The following KANSL1 variants were observed in gnomAD, a reference collection of about 807,000 sequenced individuals.
KANSL1 encodes the protein KAT8 regulatory NSL complex subunit 1.
In KANSL1, 22 loss-of-function variants were observed where a neutral mutation model predicts 103.6. The observed-to-expected ratio is 0.21, with a 90% CI of 0.15 to 0.30. KANSL1 has a LOEUF of 0.30. KANSL1 is among the 10% of genes least tolerant of loss of function. The probability of loss-of-function intolerance (pLI) is 1.00; values close to 1 mark genes in which losing one functional copy is unlikely to be tolerated. For missense variants in KANSL1, 1,337 were observed against 1,399.8 expected (o/e 0.96, Z 0.72); for synonymous variants, 600 against 527.6 (o/e 1.14, Z -1.88).
At chr17:46,123,143 G>A (rs2043359684) in intron 2 of KANSL1, among the ~76,000 whole-genome samples, 2 of 152,220 alleles carry the variant, frequency 1.3e-5, no homozygotes, top group Non-Finnish European at 1.5e-5. Flanking sequence ...TTGGGAGGCG[G>A]CGGCAGGCGG....
intron 14 of KANSL1, 150 bp downstream of exon 14, chr17:46,031,897 C>G: frequency 8.5e-7 from 1 of 1,171,452 alleles, no homozygotes; most frequent in Admixed American, 2.1e-5. Context: ...CAATACAGTT[C>G]CACTGAACGT....
At chr17:46,135,905 C>T (rs964918716) in intron 2 of KANSL1, among the ~76,000 whole-genome samples, 3 of 152,064 alleles carry the variant, frequency 2.0e-5, no homozygotes, top group African/African-American at 4.8e-5. Context: ...AGGCTCTATT[C>T]AGCATTTCCA....
intron 2 of KANSL1, among the ~76,000 whole-genome samples, chr17:46,117,515 G>A (rs2043096279): frequency 6.6e-6 from 1 of 152,198 alleles, no homozygotes; most frequent in Non-Finnish European, 1.5e-5. Context: ...ATTAGTGATG[G>A]TGGCAGTGGC....
At chr17:46,046,808 G>T (rs893359912) in intron 7 of KANSL1, among the ~76,000 whole-genome samples, 2 of 141,050 alleles carry the variant, frequency 1.4e-5, no homozygotes, top group Non-Finnish European at 3.0e-5. Flanking sequence ...CTGCACTCCA[G>T]CCTGGGTGAC....
chr17:46,157,807 T>C (rs546783637), intron 2 of KANSL1, among the ~76,000 whole-genome samples: 82 of 152,390 alleles, frequency 5.4e-4, no homozygotes, highest in Non-Finnish European at 1.0e-3. Context: ...GTTTTCATCT[T>C]ACAAAGAAAA....
chr17:46,153,808 G>A (rs935308032), intron 2 of KANSL1, among the ~76,000 whole-genome samples: 2 of 152,202 alleles, frequency 1.3e-5, no homozygotes, highest in Non-Finnish European at 2.9e-5. Flanking sequence ...TGAAGGAATC[G>A]CAATGTGGAG....
At chr17:46,117,575 T>C (rs550643582) in intron 2 of KANSL1, among the ~76,000 whole-genome samples, 5 of 152,226 alleles carry the variant, frequency 3.3e-5, no homozygotes, top group Admixed American at 3.3e-4. Context: ...GCAGTAACCA[T>C]GTGCATGCCT....
At chr17:46,090,567 C>T (rs2079343690) in intron 3 of KANSL1, among the ~76,000 whole-genome samples, 1 of 152,184 alleles carries the variant, frequency 6.6e-6, no homozygotes. Context: ...AGTGACTTTT[C>T]TTCTCAAGGT....
At chr17:46,105,994 A>AGG (rs1027384222) in intron 2 of KANSL1, among the ~76,000 whole-genome samples, 9 of 152,102 alleles carry the variant, frequency 5.9e-5, no homozygotes, top group Middle Eastern at 6.8e-3. Context: ...GTATTGAGGC[A>AGG]GGGTCCCCCT....
chr17:46,082,382 G>T, intron 4 of KANSL1, 59 bp downstream of exon 4: 1 of 1,069,028 alleles, frequency 9.4e-7, no homozygotes, highest in Non-Finnish European at 1.4e-6. Flanking sequence ...AAAAAACGGT[G>T]TGCCAAGACA....
chr17:46,147,270 A>G (rs187816625), intron 2 of KANSL1, among the ~76,000 whole-genome samples: 234 of 152,280 alleles, frequency 1.5e-3, no homozygotes, highest in African/African-American at 5.5e-3. Flanking sequence ...CTGTAAAGAG[A>G]AGGAGGTGAA....
At chr17:46,136,415 T>C (rs1004946284) in intron 2 of KANSL1, among the ~76,000 whole-genome samples, 3 of 152,238 alleles carry the variant, frequency 2.0e-5, no homozygotes, top group Admixed American at 6.5e-5. Context: ...TAGTAGTATA[T>C]AGAGACGGAC....
intron 6 of KANSL1, among the ~76,000 whole-genome samples, chr17:46,065,469 G>C (rs1348602769): frequency 1.3e-5 from 2 of 152,140 alleles, no homozygotes; most frequent in African/African-American, 2.4e-5. Flanking sequence ...CAACAAAAGT[G>C]GTAACAATAA....
chr17:46,050,551 C>T lies in KANSL1; in HGVS notation c.2002G>A (p.Val668Ile), dbSNP rs1055952978. The T allele has an allele frequency of 6.2e-7, 1 of 1,613,994 alleles. No individual in the cohort carries two copies. The highest frequency in any genetic ancestry group is 8.5e-7 in the Non-Finnish European group (1 of 1,180,022). The change falls in exon 7 of 15, where the codon GTT becomes ATT. Residue 668 changes from valine (V) to isoleucine (I), a missense_variant. Val to Ile is a conservative substitution (Grantham distance 29, BLOSUM62 3). Around this residue, in one of 2 missense-constraint regions of KANSL1, gnomAD observed 780 missense variants for 923.4 expected, o/e 0.84. Coordinates refer to ENST00000432791, the MANE Select transcript of KANSL1 (RefSeq NM_015443.4). ...TTCTTACCATCTGGAAATGCTAGAA[C>T]AGGATGAACACAAGAGTCCAACTGG... ...LSQLDSCVHP[V>I]LAFPDDVPTS...
chr17:46,225,298 G>A (rs1040569129), upstream of KANSL1: 7 of 152,474 alleles, frequency 4.6e-5, no homozygotes, highest in African/African-American at 1.7e-4. Context: ...CCCACCCCCA[G>A]GGGCACCAGT....
At chr17:46,140,445 C>T (rs976563600) in intron 2 of KANSL1, among the ~76,000 whole-genome samples, 1 of 151,890 alleles carries the variant, frequency 6.6e-6, no homozygotes, top group Non-Finnish European at 1.5e-5. Flanking sequence ...ATTGAAACTC[C>T]TGGAAAAAAG....
intron 2 of KANSL1, among the ~76,000 whole-genome samples, chr17:46,120,874 G>A (rs2043249560): frequency 2.0e-5 from 3 of 152,160 alleles, no homozygotes; most frequent in African/African-American, 7.2e-5. Context: ...GATTCAAAGA[G>A]AGAATGTTTC....
At chr17:46,166,029 T>C (rs1383146191) in intron 2 of KANSL1, among the ~76,000 whole-genome samples, 1 of 148,448 alleles carries the variant, frequency 6.7e-6, no homozygotes, top group Non-Finnish European at 1.5e-5. Flanking sequence ...CTGGGCCACA[T>C]GGTGAAACCC....
chr17:46,031,394 T>C lies in KANSL1; in HGVS notation c.*82A>G. 1 of 1,282,854 alleles carries C rather than the reference T, an allele frequency of 7.8e-7. No homozygotes were observed. The allele number at this position is 1,282,854 out of a possible 1,614,324, so 79.5% of individuals were successfully genotyped here. A position where few individuals can be genotyped will look rare whatever the true frequency, so the allele number is the denominator to read the frequency against. Reference sequence around the variant, plus strand: ...AAAAACTGTGAAAATTTCCGGCATATGATGTTTGAATATCAAACGCAGAGA... The same window carrying C: ...AAAAACTGTGAAAATTTCCGGCATACGATGTTTGAATATCAAACGCAGAGA... On this transcript the variant is annotated 3_prime_UTR_variant, in exon 15 of 15. Transcript: ENST00000432791.
Sources: gnomAD v4.1 joint callset for allele counts (sites outside exome capture counted in the v4.1 genomes callset) on GRCh38, gnomAD v4.1.1 for gene constraint, gnomAD v4.1.1 regional missense constraint, MANE v1.5 for transcripts, NCBI Gene and HGNC (gene_info 2026-07-23, HGNC 2026-07-21) for gene names.